PTER: variants seen among roughly 807,000 people sequenced by gnomAD.
The protein encoded by PTER is N-acetyltaurine hydrolase.
PTER carries 38 observed loss-of-function variants against 29.6 expected under a neutral mutation model. That is an observed-to-expected ratio of 1.28 (90% CI 0.99 to 1.68). PTER has a LOEUF of 1.68. PTER is among the 40% of genes most tolerant of loss of function. PTER has a pLI of 0.00. For synonymous variants in PTER, 172 were observed against 154.5 expected (o/e 1.11, Z -0.84); for missense variants, 482 against 427.8 (o/e 1.13, Z -1.12).
intron 1 of PTER, among the ~76,000 whole-genome samples, chr10:16,471,284 T>A (rs996596380): frequency 6.6e-6 from 1 of 152,236 alleles, no homozygotes; most frequent in African/African-American, 2.4e-5. Context: ...ACTCGTTGCC[T>A]GCCTGTGTGT....
chr10:16,463,474 G>A, intron 1 of PTER, among the ~76,000 whole-genome samples: 1 of 152,128 alleles, frequency 6.6e-6, no homozygotes, highest in East Asian at 1.9e-4. Flanking sequence ...TGCCATGGCA[G>A]GCGCGATCTT....
intron 1 of PTER, among the ~76,000 whole-genome samples, chr10:16,473,212 T>TC (rs1835119956): frequency 6.6e-6 from 1 of 152,004 alleles, no homozygotes; most frequent in Non-Finnish European, 1.5e-5. Context: ...ACTATGTAAC[T>TC]ATTGGGAATA....
At chr10:16,441,752 A>G (rs575086394) in intron 1 of PTER, among the ~76,000 whole-genome samples, 21 of 152,342 alleles carry the variant, frequency 1.4e-4, no homozygotes, top group Non-Finnish European at 2.1e-4. Context: ...TCAGCTGGCA[A>G]TGCTAAGTAT....
intron 2 of PTER, among the ~76,000 whole-genome samples, chr10:16,485,980 T>C (rs540443685): frequency 2.6e-5 from 4 of 152,234 alleles, no homozygotes; most frequent in African/African-American, 9.6e-5. Context: ...ACACGGGACA[T>C]AGATTCAATT....
rs537316346 is a variant in PTER at position 16,478,539 on chromosome 10, G to A, written c.-48-5798G>A. 1.8e-4 allele frequency among the ~76,000 whole-genome samples: 28 copies of A among 152,000 alleles called. No homozygotes were observed. The South Asian group carries it at 5.4e-3, about 29-fold the overall frequency. On this transcript the variant is annotated intron_variant, in intron 1 of 4. Transcript: ENST00000535784. ...AGTGGAGACGGGGTTTTACTATGTT[G>A]GCCAGGCTAGTCTCGAACACCTGAC...
intron 1 of PTER, among the ~76,000 whole-genome samples, chr10:16,462,739 T>C (rs2133395350): frequency 6.6e-6 from 1 of 152,018 alleles, no homozygotes; most frequent in South Asian, 2.1e-4. Flanking sequence ...CCTGGCTAAT[T>C]TTTGTATTTT....
At chr10:16,480,163 C>A (rs993095772) in intron 1 of PTER, among the ~76,000 whole-genome samples, 2 of 148,358 alleles carry the variant, frequency 1.3e-5, no homozygotes, top group Non-Finnish European at 3.0e-5. Flanking sequence ...ACTGATCCAC[C>A]AAAACTCAGT....
intron 1 of PTER, among the ~76,000 whole-genome samples, chr10:16,449,896 AC>A (rs1313689698): frequency 1.3e-4 from 20 of 152,168 alleles, no homozygotes. Flanking sequence ...TCTAGCTCAC[AC>A]ACAGTGGGTC....
rs185627630 is a variant in PTER, at chr10:16,452,938, C to T, written c.-49+15891C>T. Among the ~76,000 whole-genome samples, 36 of 151,870 alleles carry T rather than the reference C, an allele frequency of 2.4e-4. 1 individual carries two copies. The East Asian group carries it at 3.7e-3, about 16-fold the overall frequency. ...GCTAATTTTTGTACTTTTTTAGAGA[C>T]GGAGTTTCACCATGTTGCCCAGGCT... is the stretch of plus-strand genomic sequence containing the variant. On this transcript the variant is annotated intron_variant, in intron 1 of 4. Coordinates refer to ENST00000535784, the MANE Select transcript of PTER (RefSeq NM_001261836.2).
In PTER at chr10:16,484,480, C is replaced by G; in HGVS notation, c.96C>G (p.Thr32=). 6.2e-7 allele frequency: 1 copy of G among 1,614,082 alleles called. No individual in the cohort carries two copies. The highest frequency in any genetic ancestry group is 1.3e-5 in the African/African-American group (1 of 75,004). The change falls in exon 2 of 5, where the codon ACC becomes ACG. Residue 32 remains threonine, a synonymous_variant. Coordinates refer to ENST00000535784, the MANE Select transcript of PTER (RefSeq NM_001261836.2). ...TGACCCATGAACACCTGGCCATGAC[C>G]TTTGACTGCTGTTACTGTCCACCTC... ...RTLTHEHLAM[T]FDCCYCPPPP...
At chr10:16,458,156 T>C (rs1285524690) in intron 1 of PTER, among the ~76,000 whole-genome samples, 1 of 151,870 alleles carries the variant, frequency 6.6e-6, no homozygotes, top group African/African-American at 2.4e-5. Flanking sequence ...CAATTAAAGA[T>C]TGTAGGAAGA....
chr10:16,467,900 C>G (rs1834898894), intron 1 of PTER, among the ~76,000 whole-genome samples: 1 of 152,146 alleles, frequency 6.6e-6, no homozygotes, highest in African/African-American at 2.4e-5. Flanking sequence ...GCTTCAAAAT[C>G]CAGAGCCCAA....
chr10:16,503,366 A>G (rs1327929570), intron 3 of PTER, among the ~76,000 whole-genome samples: 1 of 151,910 alleles, frequency 6.6e-6, no homozygotes, highest in Admixed American at 6.6e-5. Flanking sequence ...AGCTGGGATT[A>G]CAGGTGCCTG....
intron 3 of PTER, among the ~76,000 whole-genome samples, chr10:16,487,512 A>G (rs1835748310): frequency 6.6e-6 from 1 of 152,180 alleles, no homozygotes; most frequent in Non-Finnish European, 1.5e-5. Flanking sequence ...CAGATCATTT[A>G]CTTAATTATA....
chr10:16,461,802 G>A (rs568363761), intron 1 of PTER, among the ~76,000 whole-genome samples: 11 of 152,122 alleles, frequency 7.2e-5, no homozygotes, highest in Admixed American at 1.3e-4. Flanking sequence ...AGCATATTCT[G>A]AATCAATATA....
chr10:16,486,727 CACTA>C, intron 3 of PTER, 110 bp downstream of exon 3: 1 of 1,224,106 alleles, frequency 8.2e-7, no homozygotes, highest in Non-Finnish European at 1.1e-6. Context: ...CAGAGAAAAC[CACTA>C]ACTATATGGA....
At chr10:16,498,429 C>A (rs1012472105) in intron 3 of PTER, among the ~76,000 whole-genome samples, 1 of 152,030 alleles carries the variant, frequency 6.6e-6, no homozygotes, top group African/African-American at 2.4e-5. Flanking sequence ...ACTAAAAATA[C>A]AAAATTAGCT....
chr10:16,437,533 G>C (rs1188915448), intron 1 of PTER: 2 of 152,028 alleles, frequency 1.3e-5, no homozygotes, highest in African/African-American at 2.4e-5. Context: ...TTTTTGTAGA[G>C]AGTGTCTCGC....
Position 16,511,075 on chromosome 10 carries a change from A to G in PTER, c.869A>G (p.Glu290Gly). ...RVRLLVEEGC[E>G]DRILVAHDIH... ...CGTCTCCTGGTGGAAGAGGGCTGTGAAGATCGAATTCTGGTAGCACATGAC... is the reference window on the plus strand; with the variant it reads ...CGTCTCCTGGTGGAAGAGGGCTGTGGAGATCGAATTCTGGTAGCACATGAC... Residue 290 changes from glutamate (E) to glycine (G), a missense_variant, in exon 5 of 5, where the codon GAA becomes GGA. Transcript: ENST00000535784. The G allele has an allele frequency of 6.2e-7, 1 of 1,613,768 alleles. No individual in the cohort carries two copies. Among genetic ancestry groups the G allele is most frequent in the Non-Finnish European group, 8.5e-7 (1 of 1,179,842 alleles).
Sources: allele counts gnomAD v4.1 joint callset (sites outside exome capture counted in the v4.1 genomes callset), GRCh38; gene constraint gnomAD v4.1.1; transcripts MANE v1.5; gene names NCBI Gene and HGNC (gene_info 2026-07-23, HGNC 2026-07-21).